The following TMEM231 variants were observed in gnomAD, a reference collection of about 807,000 sequenced individuals.
TMEM231 encodes transmembrane protein 231.
In TMEM231, 40 loss-of-function variants were observed where a neutral mutation model predicts 38.5. The observed-to-expected ratio is 1.04, with a 90% confidence interval of 0.81 to 1.35. TMEM231 has a LOEUF of 1.35. TMEM231 is among the 40% of genes most tolerant of loss of function. The probability of loss-of-function intolerance (pLI) is 0.00; values close to 1 mark genes in which losing one functional copy is unlikely to be tolerated. For synonymous variants in TMEM231, 199 were observed against 181.7 expected (o/e 1.10, Z -0.77); for missense variants, 420 against 416.9 (o/e 1.01, Z -0.07).
chr16:75,551,772 A>C (rs1474060209), intron 2 of TMEM231, among the ~76,000 whole-genome samples: 1 of 150,792 alleles, frequency 6.6e-6, no homozygotes, highest in Non-Finnish European at 1.5e-5. Flanking sequence ...GACCAGCCTG[A>C]CCAACATGAT....
intron 6 of TMEM231, 35 bp from the exon 7 acceptor site, chr16:75,540,209 G>A: frequency 6.4e-7 from 1 of 1,571,506 alleles, no homozygotes; most frequent in Non-Finnish European, 8.6e-7. Flanking sequence ...GCCACATGGT[G>A]TTAAGTATGA....
At chr16:75,552,602 G>A (rs2080775676) in intron 2 of TMEM231, among the ~76,000 whole-genome samples, 1 of 152,092 alleles carries the variant, frequency 6.6e-6, no homozygotes, top group Non-Finnish European at 1.5e-5. Flanking sequence ...TCAATTCAGG[G>A]GTTAAAAAAA....
At position 75,539,691 on chromosome 16, in the gene TMEM231, A is replaced by C. The variant is rs1486966596; in HGVS notation, c.*303T>G. 4.2e-6 allele frequency: 1 copy of C among 240,798 alleles called. No homozygotes were observed. Among genetic ancestry groups the C allele is most frequent in the East Asian group, 8.9e-5 (1 of 11,262 alleles). 14.9% of individuals were successfully genotyped at this position (240,798 alleles called of 1,614,324 possible). A position where few individuals can be genotyped will look rare whatever the true frequency, so the allele number is the denominator to read the frequency against. ...GACCAGAGATGGGACTCTTTCCAAG[A>C]TGTCTGAACTGACTGCAATTTTCTC... On this transcript the variant is annotated 3_prime_UTR_variant, in exon 7 of 7. Coordinates refer to ENST00000258173, the MANE Select transcript of TMEM231 (RefSeq NM_001077418.3).
chr16:75,545,420 C>T lies in TMEM231; in HGVS notation c.514G>A (p.Val172Met), dbSNP rs764290969. Residue 172 changes from valine (V) to methionine (M), a missense_variant, in exon 4 of 7, where the codon GTG (valine) becomes ATG (methionine). Transcript: ENST00000258173. The stretch of plus-strand genomic sequence containing the variant: ...TGCTGCAGCCTCAGGTCTCCGTTCA[C>T]GTATAACTGGGATCCCGGGACAGGA... ...SFPVPGSQLY[V>M]NGDLRLQQKQ... 5.0e-6 allele frequency: 8 copies of T among 1,609,120 alleles called. No individual in the cohort carries two copies. The highest frequency in any genetic ancestry group is 4.4e-5 in the South Asian group (4 of 90,738).
At chr16:75,543,546 G>T (rs1046749870) in intron 4 of TMEM231, among the ~76,000 whole-genome samples, 1 of 152,006 alleles carries the variant, frequency 6.6e-6, no homozygotes, top group East Asian at 1.9e-4. Context: ...CTGTAGCCTG[G>T]GTGACAGAGC....
intron 2 of TMEM231, among the ~76,000 whole-genome samples, chr16:75,546,744 T>C (rs1299196093): frequency 6.6e-6 from 1 of 152,158 alleles, no homozygotes; most frequent in Non-Finnish European, 1.5e-5. Context: ...CACCCGGCCT[T>C]ACCAAACTCT....
chr16:75,538,597 G>A lies in TMEM231; in HGVS notation c.*1397C>T, dbSNP rs2550888. 0.08 allele frequency: 12,217 copies of A among 152,044 alleles called. 566 individuals carry two copies. The highest frequency in any genetic ancestry group is 0.12 in the African/African-American group (4,996 of 41,470). The allele number at this position is 152,044 out of a possible 1,614,324, so 9.4% of individuals were successfully genotyped here. ...TAGCTTTGTTTCCAAAACTGTTTTA[G>A]TAAGCCTAAAGGAGCACTAAAAACG... On this transcript the variant is annotated 3_prime_UTR_variant, in exon 7 of 7. Coordinates refer to ENST00000258173, the MANE Select transcript of TMEM231 (RefSeq NM_001077418.3).
chr16:75,540,387 A>C (rs1435232799), intron 6 of TMEM231, among the ~76,000 whole-genome samples: 2 of 152,196 alleles, frequency 1.3e-5, no homozygotes, highest in Non-Finnish European at 1.5e-5. Flanking sequence ...CCAACCTCCT[A>C]AACAGACAAC....
At chr16:75,544,350 T>C (rs1345170327) in intron 4 of TMEM231, among the ~76,000 whole-genome samples, 1 of 152,162 alleles carries the variant, frequency 6.6e-6, no homozygotes, top group South Asian at 2.1e-4. Flanking sequence ...TGGGGATATC[T>C]GAACAGGGAC....
intron 2 of TMEM231, among the ~76,000 whole-genome samples, chr16:75,552,137 A>G (rs1431757516): frequency 6.6e-6 from 1 of 152,112 alleles, no homozygotes; most frequent in Non-Finnish European, 1.5e-5. Context: ...GTGATACAGC[A>G]TTAAAAGAAA....
chr16:75,545,534 C>T (rs1403482798), intron 3 of TMEM231, 39 bp from the exon 4 acceptor site: 1 of 1,429,188 alleles, frequency 7.0e-7, no homozygotes, highest in African/African-American at 1.6e-5. Context: ...CAACCGCCAT[C>T]AGATCTGAAG....
intron 4 of TMEM231, among the ~76,000 whole-genome samples, chr16:75,543,801 C>G (rs190605412): frequency 9.7e-4 from 147 of 152,310 alleles, no homozygotes; most frequent in African/African-American, 3.3e-3. Flanking sequence ...ACAAAAAGTG[C>G]CATATTCATT....
rs373257635 is a variant in TMEM231 at position 75,554,559 on chromosome 16, A to AAAAAG, written c.309+1240_309+1244dup. ...AGACTGTGTCTCAAAAAAAAAAAAA[A>AAAAAG]AAAAGAAAAGAAAAGAAAAAAGAAA... On this transcript the variant is annotated intron_variant, in intron 2 of 6. Transcript: ENST00000258173. Among the ~76,000 whole-genome samples, 540 of 140,544 alleles carry AAAAAG rather than the reference A, an allele frequency of 3.8e-3. 1 individual carries two copies. Among genetic ancestry groups the AAAAAG allele is most frequent in the East Asian group, 0.024 (93 of 3,852 alleles). 92.2% of individuals were successfully genotyped at this position (140,544 alleles called of 152,430 possible). A position where few individuals can be genotyped will look rare whatever the true frequency, so the allele number is the denominator to read the frequency against.
chr16:75,555,787 A>T lies in TMEM231; in HGVS notation c.309+17T>A, dbSNP rs1039855498. 2.0e-6 allele frequency: 3 copies of T among 1,513,852 alleles called. No individual in the cohort carries two copies. The highest frequency in any genetic ancestry group is 2.7e-6 in the Non-Finnish European group (3 of 1,128,132). 93.8% of individuals were successfully genotyped at this position (1,513,852 alleles called of 1,614,324 possible). On this transcript the variant is annotated intron_variant, in intron 2 of 6. Coordinates refer to ENST00000258173, the MANE Select transcript of TMEM231 (RefSeq NM_001077418.3). ...CTATCCCCGACTCTGCCCCAGGCCC[A>T]GGCGGGAACCACGCACCGAAACGAG...
At chr16:75,552,098 C>G (rs1395984618) in intron 2 of TMEM231, among the ~76,000 whole-genome samples, 3 of 152,076 alleles carry the variant, frequency 2.0e-5, no homozygotes, top group African/African-American at 7.2e-5. Flanking sequence ...TTCTATGCAA[C>G]TTTGTCCTTT....
intron 2 of TMEM231, chr16:75,546,182 C>G (rs2080688842): frequency 6.0e-6 from 8 of 1,339,632 alleles, no homozygotes; most frequent in Non-Finnish European, 8.1e-6. Context: ...GTTCACTGGC[C>G]AAAATAAATG....
At chr16:75,544,949 C>CTTCTTTTTTTTTTTTTTTTTTTTTT in intron 4 of TMEM231, among the ~76,000 whole-genome samples, 1 of 89,620 alleles carries the variant, frequency 1.1e-5, no homozygotes, top group Non-Finnish European at 2.4e-5. Context: ...TTTTCTTTTT[C>CTTCTTTTTTTTTTTTTTTTTTTTTT]TTTTTTTTTT....
At position 75,537,121 on chromosome 16, in the gene TMEM231, C is replaced by CAAAAAAAAAAAAAAAAAA. The variant is rs35767878; in HGVS notation, c.*2855_*2872dup. 3.7e-5 allele frequency: 4 copies of CAAAAAAAAAAAAAAAAAA among 107,188 alleles called. No homozygotes were observed. Among genetic ancestry groups the CAAAAAAAAAAAAAAAAAA allele is most frequent in the Non-Finnish European group, 5.9e-5 (3 of 50,732 alleles). The allele number at this position is 107,188 out of a possible 1,614,324, so 6.6% of individuals were successfully genotyped here. On this transcript the variant is annotated 3_prime_UTR_variant, in exon 7 of 7. Coordinates refer to ENST00000258173, the MANE Select transcript of TMEM231 (RefSeq NM_001077418.3). ...TGGGTAACAGAGTGAGACTCTGTCT[C>CAAAAAAAAAAAAAAAAAA]AAAAAAAAAAAAAAAAAAGAAAAAG...
intron 6 of TMEM231, among the ~76,000 whole-genome samples, chr16:75,540,629 G>T (rs1441133675): frequency 1.3e-5 from 2 of 152,220 alleles, no homozygotes; most frequent in Non-Finnish European, 2.9e-5. Context: ...TGCAGTGTTG[G>T]TGTTGGTTTC....
Sources: gnomAD v4.1 joint callset for allele counts (sites outside exome capture counted in the v4.1 genomes callset) on GRCh38, gnomAD v4.1.1 for gene constraint, MANE v1.5 for transcripts, NCBI Gene and HGNC (gene_info 2026-07-23, HGNC 2026-07-21) for gene names.